Variants in DNAH5 observed in about 807,000 individuals in gnomAD.
The protein encoded by DNAH5 is axonemal beta dynein heavy chain 5.
In DNAH5, 372 loss-of-function variants were observed where a neutral mutation model predicts 518.2. The observed-to-expected ratio is 0.72, with a 90% CI of 0.66 to 0.78. The LOEUF is 0.78. DNAH5 is among the 30% of genes least tolerant of loss of function. The probability of loss-of-function intolerance (pLI) is 0.00; values close to 1 mark genes in which losing one functional copy is unlikely to be tolerated. For missense variants in DNAH5, 5,523 were observed against 5,687.0 expected (o/e 0.97, Z 0.93); for synonymous variants, 2,039 against 2,025.9 (o/e 1.01, Z -0.17).
chr5:13,931,912 T>A (rs533455403), intron 1 of DNAH5: 1 of 155,046 alleles, frequency 6.4e-6, no homozygotes, highest in East Asian at 1.9e-4. Context: ...TCTTTCTAGT[T>A]TAATACAGAC....
At chr5:13,774,187 A>C (rs952172073) in intron 55 of DNAH5, among the ~76,000 whole-genome samples, 11 of 152,092 alleles carry the variant, frequency 7.2e-5, no homozygotes, top group African/African-American at 2.7e-4. Context: ...TTAGAAAGCT[A>C]TTTGGGTTTT....
chr5:13,974,341 G>A (rs1035133115), intron 1 of DNAH5, among the ~76,000 whole-genome samples: 7 of 151,830 alleles, frequency 4.6e-5, no homozygotes, highest in African/African-American at 1.7e-4. Flanking sequence ...CCCAGGCTGG[G>A]CTTGAACTCC....
chr5:13,980,990 C>T lies in DNAH5; in HGVS notation c.12+30658G>A, dbSNP rs531217508. Reference sequence around the variant, plus strand: ...CTTCAGGTCCCTGCTCAAATGCTCCCTTACCAGTGAGCCAACTTCTGATCC... The same window carrying T: ...CTTCAGGTCCCTGCTCAAATGCTCCTTTACCAGTGAGCCAACTTCTGATCC... On this transcript the variant is annotated intron_variant, in intron 1 of 78. Coordinates refer to the DNAH5 transcript ENST00000681290. 2.3e-4 allele frequency among the ~76,000 whole-genome samples: 35 copies of T among 152,334 alleles called. No individual in the cohort carries two copies. The South Asian group carries it at 2.5e-3, about 11-fold the overall frequency.
chr5:13,985,359 A>G (rs1782969791), intron 1 of DNAH5, among the ~76,000 whole-genome samples: 1 of 150,906 alleles, frequency 6.6e-6, no homozygotes, highest in Non-Finnish European at 1.5e-5. Context: ...GCACACCAAC[A>G]TGGCATGTGT....
At chr5:13,809,444 T>A (rs1760237344) in intron 45 of DNAH5, among the ~76,000 whole-genome samples, 1 of 152,206 alleles carries the variant, frequency 6.6e-6, no homozygotes, top group African/African-American at 2.4e-5. Context: ...TAGTTTTCAA[T>A]AGCATGAAAT....
intron 24 of DNAH5, among the ~76,000 whole-genome samples, chr5:13,869,292 T>C (rs886343049): frequency 6.6e-6 from 1 of 150,646 alleles, no homozygotes; most frequent in African/African-American, 2.4e-5. Context: ...CCAGTTATAG[T>C]GTGATGAAAA....
intron 54 of DNAH5, 142 bp from the exon 55 acceptor site, chr5:13,776,848 T>C: frequency 1.1e-6 from 1 of 911,326 alleles, no homozygotes; most frequent in Non-Finnish European, 1.7e-6. Flanking sequence ...CAAGATGAAA[T>C]ACACTACGTT....
intron 75 of DNAH5, among the ~76,000 whole-genome samples, chr5:13,713,124 T>TATATATACAC (rs1554018603): frequency 6.8e-6 from 1 of 146,562 alleles, no homozygotes; most frequent in Admixed American, 6.9e-5. Context: ...TATATATATA[T>TATATATACAC]ACACACACAC....
At chr5:13,727,448 A>C in intron 70 of DNAH5, 59 bp downstream of exon 70, 1 of 1,471,864 alleles carries the variant, frequency 6.8e-7, no homozygotes, top group Non-Finnish European at 9.2e-7. Flanking sequence ...TTTTTAATTT[A>C]AAAGAAAATT....
intron 78 of DNAH5, among the ~76,000 whole-genome samples, chr5:13,693,137 T>C (rs2126342412): frequency 6.6e-6 from 1 of 152,186 alleles, no homozygotes; most frequent in Non-Finnish European, 1.5e-5. Context: ...AGGACAAGAG[T>C]GTGTCTACAC....
chr5:13,889,378 T>C lies in DNAH5; in HGVS notation c.2577+1598A>G, dbSNP rs377458413. ...GAGGAGGGACTAGAAATTTCTAACATGTAGACAGTAAGTTTTGCGTATAAA... is the reference window on the plus strand; with the variant it reads ...GAGGAGGGACTAGAAATTTCTAACACGTAGACAGTAAGTTTTGCGTATAAA... On this transcript the variant is annotated intron_variant, in intron 17 of 78. Coordinates refer to ENST00000265104, the MANE Select transcript of DNAH5 (RefSeq NM_001369.3). Among the ~76,000 whole-genome samples, 3 of 152,152 alleles carry C rather than the reference T, an allele frequency of 2.0e-5. No homozygotes were observed. The East Asian group carries it at 5.8e-4, about 29-fold the overall frequency.
At chr5:13,951,655 A>G (rs888857302) in intron 1 of DNAH5, among the ~76,000 whole-genome samples, 1 of 152,112 alleles carries the variant, frequency 6.6e-6, no homozygotes, top group Non-Finnish European at 1.5e-5. Flanking sequence ...GCAGTTAACA[A>G]CGGGGAGAAA....
In DNAH5 at chr5:13,766,187, A is replaced by T. The variant is rs774415043; in HGVS notation, c.9898-8T>A. The T allele has an allele frequency of 6.2e-7, 1 of 1,614,110 alleles. No homozygotes were observed. The highest frequency in any genetic ancestry group is 1.7e-5 in the Admixed American group (1 of 60,020). ...GTCCGAAGGCCTGATGGTCTGGGGG[A>T]TGAAAGGAACGATCACCCAACCACA... On this transcript the variant is annotated splice_polypyrimidine_tract_variant and splice_region_variant and intron_variant, in intron 58 of 78. Transcript: ENST00000265104.
At chr5:13,781,183 G>A (rs1755075678) in intron 52 of DNAH5, among the ~76,000 whole-genome samples, 2 of 152,126 alleles carry the variant, frequency 1.3e-5, no homozygotes, top group South Asian at 4.2e-4. Context: ...CCTTTAGGAA[G>A]TAGGAGGACA....
intron 75 of DNAH5, among the ~76,000 whole-genome samples, chr5:13,712,993 T>C (rs1371073653): frequency 6.6e-6 from 1 of 151,530 alleles, no homozygotes; most frequent in Non-Finnish European, 1.5e-5. Flanking sequence ...AATAAGTCAT[T>C]CTACAAAAAA....
At chr5:13,921,756 C>CCCA (rs562419104) in intron 5 of DNAH5, among the ~76,000 whole-genome samples, 2,216 of 145,258 alleles carry the variant, frequency 0.015, 87 homozygotes, top group African/African-American at 0.049. Flanking sequence ...ACACACCCCC[C>CCCA]CACACACACA....
At chr5:13,918,281 C>T (rs1776862624) in intron 7 of DNAH5, among the ~76,000 whole-genome samples, 1 of 152,130 alleles carries the variant, frequency 6.6e-6, no homozygotes, top group Non-Finnish European at 1.5e-5. Context: ...TAGCCAACAG[C>T]CAGCAAGAAA....
chr5:13,709,093 C>T (rs914409659), intron 75 of DNAH5, among the ~76,000 whole-genome samples: 1 of 152,128 alleles, frequency 6.6e-6, no homozygotes. Context: ...TTTCTCCAAG[C>T]AAGTGATCAG....
chr5:13,911,611 G>T (rs929913840), intron 11 of DNAH5, 118 bp from the exon 12 acceptor site: 5 of 839,206 alleles, frequency 6.0e-6, no homozygotes, highest in Non-Finnish European at 9.3e-6. Context: ...AAGTTTAAAG[G>T]AAGCCTTATT....
Sources: allele counts gnomAD v4.1 joint callset (sites outside exome capture counted in the v4.1 genomes callset), GRCh38; gene constraint gnomAD v4.1.1; transcripts MANE v1.5; gene names NCBI Gene and HGNC (gene_info 2026-07-23, HGNC 2026-07-21).